Variants in DNAJB13 observed in about 807,000 individuals in gnomAD.
DNAJB13 encodes DnaJ heat shock protein family (Hsp40) member B13.
A neutral mutation model predicts 35.6 loss-of-function variants in DNAJB13; 22 were observed. That is an observed-to-expected ratio of 0.62 (90% CI 0.44 to 0.88). The LOEUF (loss-of-function observed/expected upper bound fraction) is 0.88, where lower values mean the gene tolerates loss of function less well. Ranked by LOEUF, DNAJB13 falls within the 40% of genes least tolerant of loss-of-function variation. The probability of loss-of-function intolerance (pLI) is 0.00; values close to 1 mark genes in which losing one functional copy is unlikely to be tolerated. For synonymous variants in DNAJB13, 136 were observed against 144.2 expected (o/e 0.94, Z 0.41); for missense variants, 370 against 384.3 (o/e 0.96, Z 0.31).
chr11:73,964,790 TGTGTGTGTGTGTGTGTGTGTGTGC>T lies in DNAJB13; in HGVS notation c.335-86_335-63del, dbSNP rs1385998648. The T allele has an allele frequency of 6.8e-5, 60 of 881,554 alleles. No homozygotes were observed. In the African/African-American group the frequency reaches 1.2e-3, roughly 18 times the overall value. 54.6% of individuals were successfully genotyped at this position (881,554 alleles called of 1,614,324 possible). Reference sequence around the variant, plus strand: ...CTGTGTGTGTGTGTGTGTGTGTGTGTGTGTGTGTGTGTGTGTGTGTGTGCGCGCGCGCGCATGTCTGGGTCTCTG... The same window carrying T: ...CTGTGTGTGTGTGTGTGTGTGTGTGTGCGCGCGCGCATGTCTGGGTCTCTG... On this transcript the variant is annotated intron_variant, in intron 3 of 7. Transcript: ENST00000339764.
intron 4 of DNAJB13, chr11:73,965,644 G>A (rs1951092682): frequency 6.1e-6 from 1 of 165,098 alleles, no homozygotes; most frequent in South Asian, 1.6e-4. Context: ...ACATGCGACT[G>A]GGGAGTGGAA....
intron 3 of DNAJB13, among the ~76,000 whole-genome samples, chr11:73,961,208 A>C (rs1950923450): frequency 6.6e-6 from 1 of 152,148 alleles, no homozygotes; most frequent in Non-Finnish European, 1.5e-5. Flanking sequence ...TGAGCCCAGG[A>C]GGTTGAGGCT....
chr11:73,967,970 G>A, intron 5 of DNAJB13: 1 of 365,396 alleles, frequency 2.7e-6, no homozygotes. Context: ...GAGTTTTGGT[G>A]ACTTAATGAA....
rs1361872509 is a variant in DNAJB13, at chr11:73,951,150, G to A, written c.68+13G>A. ...AGATCAAGCAGGCGTAAGTTGGGGT[G>A]GGAGCCAGGCCTTAGGGGTGTGCTG... On this transcript the variant is annotated intron_variant, in intron 1 of 7. Transcript: ENST00000339764. 1 of 1,613,854 alleles carries A rather than the reference G, an allele frequency of 6.2e-7. No homozygotes were observed. The highest frequency in any genetic ancestry group is 1.3e-5 in the African/African-American group (1 of 74,936).
At chr11:73,966,033 C>A in intron 4 of DNAJB13, 105 bp from the exon 5 acceptor site, 2 of 1,009,456 alleles carry the variant, frequency 2.0e-6, no homozygotes, top group Middle Eastern at 4.1e-4. Context: ...GAGCATCTTT[C>A]ACGTGTGCAA....
intron 1 of DNAJB13, among the ~76,000 whole-genome samples, chr11:73,955,868 G>A: frequency 6.6e-6 from 1 of 152,186 alleles, no homozygotes; most frequent in East Asian, 1.9e-4. Context: ...GGAAGGCTGT[G>A]ACAATTGTCT....
intron 1 of DNAJB13, among the ~76,000 whole-genome samples, chr11:73,956,113 G>C (rs1463588247): frequency 6.6e-6 from 1 of 152,144 alleles, no homozygotes; most frequent in Non-Finnish European, 1.5e-5. Context: ...GGCTAGAACT[G>C]GATGCAGCAA....
At chr11:73,956,603 G>C (rs1005986914) in intron 1 of DNAJB13, among the ~76,000 whole-genome samples, 1 of 152,112 alleles carries the variant, frequency 6.6e-6, no homozygotes, top group African/African-American at 2.4e-5. Flanking sequence ...AGTAGTTCAA[G>C]ACCAGCCTGG....
intron 3 of DNAJB13, among the ~76,000 whole-genome samples, chr11:73,961,192 A>G (rs1950922667): frequency 1.3e-5 from 2 of 152,178 alleles, no homozygotes; most frequent in Non-Finnish European, 2.9e-5. Flanking sequence ...AGGTGGGAGA[A>G]TCGCCTGAGC....
At chr11:73,957,567 A>C (rs991401280) in intron 1 of DNAJB13, among the ~76,000 whole-genome samples, 7 of 152,144 alleles carry the variant, frequency 4.6e-5, no homozygotes, top group Non-Finnish European at 1.0e-4. Context: ...TCCCTCCTCC[A>C]GGTGCCGCAG....
At chr11:73,966,299 T>A (rs769972691) in intron 5 of DNAJB13, 48 bp downstream of exon 5, 3 of 1,543,980 alleles carry the variant, frequency 1.9e-6, no homozygotes, top group East Asian at 2.3e-5. Context: ...GCTCAGGCGG[T>A]GGGAAGACTG....
chr11:73,951,261 T>A, intron 1 of DNAJB13, 124 bp downstream of exon 1: 4 of 1,173,552 alleles, frequency 3.4e-6, no homozygotes, highest in Non-Finnish European at 1.2e-6. Context: ...CTCCTTTCAC[T>A]TCTTGCATAC....
intron 3 of DNAJB13, chr11:73,959,929 AT>A (rs1328652152): frequency 1.5e-4 from 28 of 186,750 alleles, no homozygotes; most frequent in Admixed American, 1.3e-3. Context: ...CACCCAGTTA[AT>A]TTTTTTATAT....
rs770415081 is a variant in DNAJB13 at position 73,964,935 on chromosome 11, G to A, written c.392G>A (p.Arg131Gln). The A allele has an allele frequency of 1.2e-5, 19 of 1,613,482 alleles. No homozygotes were observed. The highest frequency in any genetic ancestry group is 4.0e-5 in the African/African-American group (3 of 74,822). ...VDLNFGGLQG[R>Q]GVKKQDPQVE... The stretch of plus-strand genomic sequence containing the variant: ...TTGAACTTTGGGGGGCTCCAGGGCC[G>A]AGGGGTCAAGAAGCAGGACCCCCAA... The change falls in exon 4 of 8, where the codon CGA becomes CAA. Residue 131 changes from arginine (R) to glutamine (Q), a missense_variant. Arg to Gln is a conservative substitution (Grantham distance 43). Coordinates refer to ENST00000339764, the MANE Select transcript of DNAJB13 (RefSeq NM_153614.4).
intron 3 of DNAJB13, chr11:73,963,836 A>C (rs1289449744): frequency 6.6e-6 from 1 of 152,134 alleles, no homozygotes; most frequent in East Asian, 1.9e-4. Context: ...ACTCTTAACC[A>C]TAGCGCCCCT....
intron 3 of DNAJB13, 76 bp from the exon 4 acceptor site, chr11:73,964,802 T>A (rs754742909): frequency 1.0e-5 from 8 of 774,486 alleles, no homozygotes; most frequent in Admixed American, 7.0e-5. Context: ...TGTGTGTGTG[T>A]GTGTGTGTGT....
In DNAJB13 at chr11:73,969,257, C is replaced by T; in HGVS notation, c.732C>T (p.Cys244=). 1.1e-6 allele frequency: 1 copy of T among 872,068 alleles called. No homozygotes were observed. The allele number at this position is 872,068 out of a possible 1,614,324, so 54.0% of individuals were successfully genotyped here. A position where few individuals can be genotyped will look rare whatever the true frequency, so the allele number is the denominator to read the frequency against. Residue 244 remains cysteine (C), a synonymous_variant, in exon 7 of 8, where the codon TGC becomes TGT. Transcript: ENST00000339764. ...NPIPLGKALT[C]CTVEVRTLDD... ...CTGACCCTCCCTAGGCTCTCACCTGCTGCACTGTGGAGGTGAGGACCCTAG... is the reference window on the plus strand; with the variant it reads ...CTGACCCTCCCTAGGCTCTCACCTGTTGCACTGTGGAGGTGAGGACCCTAG...
At chr11:73,951,472 T>C (rs964661855) in intron 1 of DNAJB13, among the ~76,000 whole-genome samples, 6 of 152,280 alleles carry the variant, frequency 3.9e-5, no homozygotes, top group African/African-American at 1.4e-4. Context: ...CAGAGGCTTG[T>C]GAACAAGGGA....
intron 1 of DNAJB13, among the ~76,000 whole-genome samples, chr11:73,956,323 A>C (rs1318434522): frequency 6.6e-6 from 1 of 152,078 alleles, no homozygotes; most frequent in African/African-American, 2.4e-5. Context: ...TTGCCCAGAG[A>C]AGCTGGGAGG....
Sources: gnomAD v4.1 joint callset for allele counts (sites outside exome capture counted in the v4.1 genomes callset) on GRCh38, gnomAD v4.1.1 for gene constraint, MANE v1.5 for transcripts, NCBI Gene and HGNC (gene_info 2026-07-23, HGNC 2026-07-21) for gene names.